C3: variants seen among roughly 807,000 people sequenced by gnomAD.
The protein encoded by C3 is C3 and PZP-like alpha-2-macroglobulin domain-containing protein 1.
A neutral mutation model predicts 207.9 loss-of-function variants in C3; 97 were observed. The observed-to-expected ratio is 0.47, with a 90% CI of 0.40 to 0.55. The LOEUF (loss-of-function observed/expected upper bound fraction) is 0.55. C3 is among the 20% of genes least tolerant of loss of function. The pLI, the probability that C3 is intolerant of heterozygous loss-of-function variation, is 0.00. For missense variants in C3, 1,684 were observed against 2,171.7 expected (o/e 0.78, Z 4.46); for synonymous variants, 848 against 857.6 (o/e 0.99, Z 0.20).
intron 27 of C3, among the ~76,000 whole-genome samples, chr19:6,689,031 C>G (rs11569523): frequency 6.6e-6 from 1 of 152,046 alleles, no homozygotes; most frequent in Non-Finnish European, 1.5e-5. Flanking sequence ...ATGAAGATCA[C>G]GGGAGAGAGG....
At chr19:6,714,515 T>A (rs1967991129) in intron 4 of C3, 69 bp from the exon 5 acceptor site, 1 of 1,068,300 alleles carries the variant, frequency 9.4e-7, no homozygotes, top group Non-Finnish European at 1.4e-6. Flanking sequence ...GCCTCTCAGC[T>A]CTCCCCGACC....
intron 13 of C3, among the ~76,000 whole-genome samples, chr19:6,710,128 G>C (rs1268921456): frequency 2.1e-5 from 3 of 143,616 alleles, no homozygotes; most frequent in Non-Finnish European, 4.6e-5. Flanking sequence ...GGGGGAGAGA[G>C]GGAAAGGGAA....
rs11569564 is a variant in C3 at position 6,678,484 on chromosome 19, G to A, written c.4631-29C>T. The A allele has an allele frequency of 1.9e-3, 3,051 of 1,601,060 alleles. 51 individuals are homozygous for A. In the African/African-American group the frequency reaches 0.034, roughly 18 times the overall value. ...TGGGGGAGAGGCAGACAGTTTGGGT[G>A]GTGGGCTAGGTTGACCATGAGGGGC... On this transcript the variant is annotated intron_variant, in intron 38 of 40. Transcript: ENST00000245907.
intron 1 of C3, 76 bp downstream of exon 1, chr19:6,720,440 C>G (rs1249191349): frequency 9.5e-7 from 1 of 1,058,016 alleles, no homozygotes; most frequent in Non-Finnish European, 1.4e-6. Context: ...CTGAATTCTA[C>G]AGGGACCTGG....
chr19:6,682,070 C>A, intron 34 of C3, 40 bp from the exon 35 acceptor site: 1 of 1,602,018 alleles, frequency 6.2e-7, no homozygotes, highest in South Asian at 1.1e-5. Context: ...CCTCCTGGAC[C>A]CCTCTCTCCC....
intron 11 of C3, among the ~76,000 whole-genome samples, chr19:6,711,775 G>A (rs143519014): frequency 2.0e-5 from 3 of 152,334 alleles, no homozygotes; most frequent in African/African-American, 7.2e-5. Flanking sequence ...AGGGGCAACA[G>A]AGCCACGTGC....
chr19:6,687,270 T>G (rs1918034165), intron 27 of C3, among the ~76,000 whole-genome samples: 1 of 152,198 alleles, frequency 6.6e-6, no homozygotes. Flanking sequence ...AACAAAGTCC[T>G]GGGGAGACAT....
At chr19:6,707,405 G>A in intron 16 of C3, 61 bp downstream of exon 16, 4 of 1,604,702 alleles carry the variant, frequency 2.5e-6, no homozygotes, top group Non-Finnish European at 3.4e-6. Context: ...CTCCTGCACG[G>A]CCGGGCTGGG....
At chr19:6,711,973 C>T (rs535235106) in intron 11 of C3, among the ~76,000 whole-genome samples, 3 of 152,324 alleles carry the variant, frequency 2.0e-5, no homozygotes, top group Admixed American at 1.3e-4. Context: ...CCTCAAACTG[C>T]GGACCCCTCC....
Position 6,713,457 on chromosome 19 carries a change from G to C in C3, c.826C>G (p.Gln276Glu), listed in dbSNP as rs374873555. The change falls in exon 8 of 41, where the codon CAG (glutamine) becomes GAG (glutamate). Residue 276 changes from glutamine to glutamate, a missense_variant. Gln to Glu is a conservative substitution (Grantham distance 29, BLOSUM62 2). This residue lies in a region of C3 where 1,280 missense variants were observed against 1,739.1 expected (regional missense o/e 0.74). Transcript: ENST00000245907. ...EGTAFVIFGI[Q>E]DGEQRISLPE... ...AGGGAAATCCTCTGTTCGCCATCCT[G>C]GATCCCGAAGATGACAAAGGCAGTT... is the stretch of plus-strand genomic sequence containing the variant. The C allele has an allele frequency of 2.9e-5, 46 of 1,613,938 alleles. No homozygotes were observed. In the African/African-American group the frequency reaches 3.7e-4, roughly 13 times the overall value.
At position 6,719,195 on chromosome 19, in the gene C3, G is replaced by A. The variant is rs747334995; in HGVS notation, c.267+16C>T. The A allele has an allele frequency of 1.7e-5, 28 of 1,612,264 alleles. No homozygotes were observed. Among genetic ancestry groups the A allele is most frequent in the Non-Finnish European group, 2.3e-5 (27 of 1,178,472 alleles). On this transcript the variant is annotated intron_variant, in intron 2 of 40. Transcript: ENST00000245907. The surrounding 1 kb of genome is among the most constrained non-coding windows in gnomAD (Gnocchi z 5.4). ...GCTGTGGGTGTCAGCCGGGTCCTGC[G>A]CCAGTCTGCACTCACCGTGAAGGTG... is the stretch of plus-strand genomic sequence containing the variant.
In C3 at chr19:6,718,339, G is replaced by T. The variant is rs552130054; in HGVS notation, c.341C>A (p.Thr114Asn). 1.2e-6 allele frequency: 2 copies of T among 1,614,104 alleles called. No individual in the cohort carries two copies. Among genetic ancestry groups the T allele is most frequent in the Non-Finnish European group, 1.7e-6 (2 of 1,180,052 alleles). ...CAGCACCACCTTCTCCACCACTTGG[G>T]TCCCGAAGGTGGCCTGCACGGTCAC... ...KFVTVQATFG[T>N]QVVEKVVLVS... Residue 114 changes from threonine (T) to asparagine (N), a missense_variant, in exon 3 of 41, where the codon ACC (threonine) becomes AAC (asparagine). Transcript: ENST00000245907.
rs766179097 is a variant in C3 at position 6,697,741 on chromosome 19, C to T, written c.2494G>A (p.Asp832Asn). Reference protein sequence around the residue: ...EVTVMQDFFIDLRLPYSVVRN... With the variant: ...EVTVMQDFFINLRLPYSVVRN... ...ACAACAGAGTAGGGTAGCCGCAGGT[C>T]GATGAAGAAGTCCTGCATTACTGTG... The change falls in exon 20 of 41, where the codon GAC becomes AAC. Residue 832 changes from aspartate to asparagine, a missense_variant. Asp to Asn is a conservative substitution (Grantham distance 23, BLOSUM62 1). Around this residue, in one of 3 missense-constraint regions of C3, gnomAD observed 1,280 missense variants for 1,739.1 expected, o/e 0.74. Coordinates refer to ENST00000245907, the MANE Select transcript of C3 (RefSeq NM_000064.4). 7 of 1,613,804 alleles carry T rather than the reference C, an allele frequency of 4.3e-6. No homozygotes were observed. Among genetic ancestry groups the T allele is most frequent in the South Asian group, 2.2e-5 (2 of 91,060 alleles).
rs1025614839 is a variant in C3 at position 6,717,436 on chromosome 19, G to A, written c.504+658C>T. 1.8e-4 allele frequency: 31 copies of A among 175,070 alleles called. 1 individual carries two copies. The highest frequency in any genetic ancestry group is 4.4e-4 in the Admixed American group (8 of 18,036). The allele number at this position is 175,070 out of a possible 1,614,324, so 10.8% of individuals were successfully genotyped here. A position where few individuals can be genotyped will look rare whatever the true frequency, so the allele number is the denominator to read the frequency against. ...TGTGTGTGTGTGTGTGTGTGTGCGC[G>A]CCATATGGTGTATTGTGTGGTTGTG... On this transcript the variant is annotated intron_variant, in intron 4 of 40. Coordinates refer to ENST00000245907, the MANE Select transcript of C3 (RefSeq NM_000064.4).
chr19:6,702,290 C>A, intron 18 of C3, 78 bp from the exon 19 acceptor site: 2 of 1,038,822 alleles, frequency 1.9e-6, no homozygotes, highest in East Asian at 2.4e-5. Context: ...TGCAGAGGGA[C>A]CCCAAGGGAC....
chr19:6,715,933 G>A (rs896660388), intron 4 of C3, among the ~76,000 whole-genome samples: 3 of 151,906 alleles, frequency 2.0e-5, no homozygotes, highest in African/African-American at 7.3e-5. Flanking sequence ...CCAAAAATCT[G>A]TTTTTCTAGC....
At chr19:6,696,297 T>A in intron 23 of C3, 82 bp downstream of exon 23, 1 of 839,578 alleles carries the variant, frequency 1.2e-6, no homozygotes, top group South Asian at 1.4e-5. Context: ...AGGTGCGGGT[T>A]AAACACCTCC....
chr19:6,677,905 C>T lies in C3; in HGVS notation c.4969G>A (p.Val1657Ile). ...GGTCAGTTGGGGCACCCAAAGACAA[C>T]CATGCTCTCGGTGAAGGCGCCGAGG... ...QDLGAFTESM[V>I]VFGCPN is the part of the protein sequence containing the mutation. The change falls in exon 41 of 41, where the codon GTT (valine) becomes ATT (isoleucine). Residue 1657 changes from valine (V) to isoleucine (I), a missense_variant. Physicochemically the swap from Val to Ile is conservative, Grantham distance 29. Coordinates refer to ENST00000245907, the MANE Select transcript of C3 (RefSeq NM_000064.4). 1 of 1,614,074 alleles carries T rather than the reference C, an allele frequency of 6.2e-7. No individual in the cohort carries two copies. The highest frequency in any genetic ancestry group is 8.5e-7 in the Non-Finnish European group (1 of 1,180,028).
chr19:6,691,732 C>A (rs1918172046), intron 26 of C3, among the ~76,000 whole-genome samples: 1 of 152,032 alleles, frequency 6.6e-6, no homozygotes, highest in Admixed American at 6.6e-5. Context: ...TGCCTGTAAT[C>A]CCAGCACTTT....
Sources: gnomAD v4.1 joint callset for allele counts (sites outside exome capture counted in the v4.1 genomes callset) on GRCh38, gnomAD v4.1.1 for gene constraint, gnomAD v4.1.1 regional missense constraint, Gnocchi (gnomAD v3.1) non-coding constraint, MANE v1.5 for transcripts, NCBI Gene and HGNC (gene_info 2026-07-23, HGNC 2026-07-21) for gene names.